CKAP5: variants seen among roughly 807,000 people sequenced by gnomAD.
CKAP5 encodes the protein cytoskeleton associated protein 5.
In CKAP5, 27 loss-of-function variants were observed where a neutral mutation model predicts 232.8. The ratio of observed to expected loss-of-function variants is 0.12; its 90% CI spans 0.09 to 0.16. CKAP5 has a LOEUF of 0.16. Ranked by LOEUF, CKAP5 falls within the 10% of genes least tolerant of loss-of-function variation. The pLI is 1.00. For synonymous variants in CKAP5, 785 were observed against 841.1 expected (o/e 0.93, Z 1.16); for missense variants, 1,838 against 2,424.7 (o/e 0.76, Z 5.08).
chr11:46,779,942 T>C (rs2065325388), intron 20 of CKAP5, among the ~76,000 whole-genome samples: 1 of 152,130 alleles, frequency 6.6e-6, no homozygotes, highest in African/African-American at 2.4e-5. Context: ...GTTTCTGATC[T>C]GGGCCAGTTT....
intron 20 of CKAP5, 87 bp from the exon 21 acceptor site, chr11:46,778,686 T>TC: frequency 2.7e-6 from 3 of 1,124,850 alleles, no homozygotes; most frequent in Non-Finnish European, 3.9e-6. Context: ...TGTCAAACTC[T>TC]CATTCCTTTG....
chr11:46,749,633 T>C (rs1047977029), intron 42 of CKAP5, among the ~76,000 whole-genome samples: 3 of 151,876 alleles, frequency 2.0e-5, no homozygotes, highest in African/African-American at 4.8e-5. Flanking sequence ...AACCATAGAC[T>C]GAACCCTGGG....
At chr11:46,779,101 A>C (rs1184083104) in intron 20 of CKAP5, among the ~76,000 whole-genome samples, 1 of 151,980 alleles carries the variant, frequency 6.6e-6, no homozygotes. Flanking sequence ...AACAAACAAA[A>C]CAACCCAAAA....
chr11:46,765,061 C>G (rs771546642), intron 28 of CKAP5, 70 bp downstream of exon 28: 4 of 1,432,368 alleles, frequency 2.8e-6, no homozygotes, highest in Non-Finnish European at 3.8e-6. Context: ...AACATGAATT[C>G]AGACAGCAAA....
At chr11:46,805,651 G>A (rs1008426297) in intron 8 of CKAP5, among the ~76,000 whole-genome samples, 3 of 152,022 alleles carry the variant, frequency 2.0e-5, no homozygotes, top group Non-Finnish European at 4.4e-5. Context: ...AAAATAAAAT[G>A]TCAGCTGGGC....
chr11:46,791,933 G>A lies in CKAP5; in HGVS notation c.1651-1350C>T, dbSNP rs532907812. Among the ~76,000 whole-genome samples the A allele has an allele frequency of 2.6e-5, 4 of 152,302 alleles. No homozygotes were observed. The East Asian group carries it at 7.7e-4, about 29-fold the overall frequency. ...AGTCTTCAACATCCAGACCTGTTCT[G>A]AAACTAATGTTATCTTGAATATATT... On this transcript the variant is annotated intron_variant, in intron 13 of 43. Transcript: ENST00000529230.
rs779605626 is a variant in CKAP5 at position 46,770,794 on chromosome 11, T to C, written c.3180A>G (p.Lys1060=). Residue 1060 remains lysine, a synonymous_variant, in exon 25 of 44, where the codon AAA becomes AAG. Transcript: ENST00000529230. Reference sequence around the variant, plus strand: ...CAGCAACAAGAAGTAGTACCTTTAGTTTCCCAGTAGCCTTGGCCATTTTTT... The same window carrying C: ...CAGCAACAAGAAGTAGTACCTTTAGCTTCCCAGTAGCCTTGGCCATTTTTT... The part of the protein sequence containing the change: ...GYEKMAKATG[K]LKPTSKDQVL... The C allele has an allele frequency of 6.9e-5, 111 of 1,613,504 alleles. No homozygotes were observed. The highest frequency in any genetic ancestry group is 8.4e-5 in the Non-Finnish European group (99 of 1,179,824).
At position 46,763,550 on chromosome 11, in the gene CKAP5, T is replaced by C. The variant is rs745778464; in HGVS notation, c.3618A>G (p.Lys1206=). 3.2e-5 allele frequency: 51 copies of C among 1,606,606 alleles called. 2 individuals carry two copies. The South Asian group carries it at 5.7e-4, about 18-fold the overall frequency. Residue 1206 remains lysine, a synonymous_variant, in exon 29 of 44, where the codon AAA becomes AAG. Transcript: ENST00000529230. ...AGTGAAACATCTCATCTTGTAACCATTTAGCCACACAGCTAGACATTTGAG... is the reference window on the plus strand; with the variant it reads ...AGTGAAACATCTCATCTTGTAACCACTTAGCCACACAGCTAGACATTTGAG... ...LKTQMSSCVA[K]WLQDEMFHSD...
chr11:46,818,189 G>A (rs759209438), intron 3 of CKAP5, 121 bp downstream of exon 3: 14 of 681,680 alleles, frequency 2.1e-5, no homozygotes, highest in East Asian at 9.6e-5. Context: ...AAGAAACTAC[G>A]AAAGTAAGAA....
rs1190949924 is a variant in CKAP5, at chr11:46,838,012, T to TACAGTATAGAAACCTCAC, written c.-38+8207_-38+8208insGTGAGGTTTCTATACTGT. 1.3e-3 allele frequency among the ~76,000 whole-genome samples: 191 copies of TACAGTATAGAAACCTCAC among 152,284 alleles called. 1 individual carries two copies. The highest frequency in any genetic ancestry group is 7.9e-4 in the Non-Finnish European group (54 of 68,020). Reference sequence around the variant, plus strand: ...TTCACTGTAGAAACCTCACAAACACTATTTCAGGTCAATATGAACAGTCAA... The same window carrying TACAGTATAGAAACCTCAC: ...TTCACTGTAGAAACCTCACAAACACTACAGTATAGAAACCTCACATTTCAGGTCAATATGAACAGTCAA... On this transcript the variant is annotated intron_variant, in intron 1 of 43. Coordinates refer to ENST00000529230, the MANE Select transcript of CKAP5 (RefSeq NM_001008938.4).
intron 27 of CKAP5, among the ~76,000 whole-genome samples, chr11:46,766,190 A>G (rs915101576): frequency 9.8e-5 from 15 of 152,364 alleles, no homozygotes; most frequent in African/African-American, 3.4e-4. Context: ...CTAGTTGGCC[A>G]CAATTTCTTT....
At chr11:46,810,971 C>T in intron 5 of CKAP5, 36 bp downstream of exon 5, 2 of 1,527,238 alleles carry the variant, frequency 1.3e-6, no homozygotes, top group Non-Finnish European at 8.9e-7. Flanking sequence ...TCATATTAAC[C>T]TTGTGCGAAA....
chr11:46,769,531 A>G (rs904566164), intron 26 of CKAP5, among the ~76,000 whole-genome samples: 2 of 152,014 alleles, frequency 1.3e-5, no homozygotes, highest in African/African-American at 4.8e-5. Flanking sequence ...CCTCATCTCT[A>G]TAAAAAGTAA....
intron 1 of CKAP5, among the ~76,000 whole-genome samples, chr11:46,843,101 A>C (rs1334646144): frequency 2.6e-5 from 4 of 152,006 alleles, no homozygotes; most frequent in African/African-American, 2.4e-5. Context: ...CTGGGAGCCA[A>C]AGGGAGACCC....
intron 24 of CKAP5, among the ~76,000 whole-genome samples, chr11:46,773,302 T>C (rs1212630631): frequency 6.6e-6 from 1 of 151,658 alleles, no homozygotes; most frequent in African/African-American, 2.4e-5. Context: ...CAGGCTAGAG[T>C]GCAATGACGC....
chr11:46,799,893 C>T (rs140663930), intron 9 of CKAP5, among the ~76,000 whole-genome samples: 242 of 151,946 alleles, frequency 1.6e-3, no homozygotes, highest in African/African-American at 5.3e-3. Flanking sequence ...CCCAGCTACT[C>T]AGGAGACTGA....
intron 1 of CKAP5, among the ~76,000 whole-genome samples, chr11:46,842,694 GC>G (rs1940083781): frequency 6.6e-6 from 1 of 152,150 alleles, no homozygotes; most frequent in African/African-American, 2.4e-5. Context: ...TAGGCCGGGC[GC>G]GGTGGCTCAC....
At chr11:46,765,333 G>A in intron 27 of CKAP5, 77 bp from the exon 28 acceptor site, 1 of 1,282,012 alleles carries the variant, frequency 7.8e-7, no homozygotes. Flanking sequence ...CCCAGTAAAA[G>A]GGCACTGTAG....
intron 35 of CKAP5, among the ~76,000 whole-genome samples, chr11:46,757,601 G>A (rs1325979110): frequency 6.6e-6 from 1 of 151,106 alleles, no homozygotes; most frequent in Admixed American, 6.6e-5. Flanking sequence ...TTATTTTTTG[G>A]AGATGGAGCG....
Sources: gnomAD v4.1 joint callset for allele counts (sites outside exome capture counted in the v4.1 genomes callset) on GRCh38, gnomAD v4.1.1 for gene constraint, MANE v1.5 for transcripts, NCBI Gene and HGNC (gene_info 2026-07-23, HGNC 2026-07-21) for gene names.